FBXL7: variants seen among roughly 807,000 people sequenced by gnomAD.
The protein encoded by FBXL7 is F-box and leucine rich repeat protein 7.
Under a neutral mutation model 38.3 loss-of-function variants are expected in FBXL7, and 12 were observed. That is an observed-to-expected ratio of 0.31 (90% confidence interval 0.20 to 0.51). FBXL7 has a LOEUF of 0.51. Ranked by LOEUF, FBXL7 falls within the 20% of genes least tolerant of loss-of-function variation. The pLI is 0.98. For missense variants in FBXL7, 567 were observed against 676.4 expected (o/e 0.84, Z 1.79); for synonymous variants, 297 against 300.9 (o/e 0.99, Z 0.13).
At chr5:15,623,537 G>A (rs12187518) in intron 2 of FBXL7, among the ~76,000 whole-genome samples, 40,991 of 152,062 alleles carry the variant, frequency 0.27, 5,642 homozygotes, top group Middle Eastern at 0.31. Context: ...AATTAGATCA[G>A]TTCTAAATAG....
intron 2 of FBXL7, among the ~76,000 whole-genome samples, chr5:15,756,410 C>T (rs1736297641): frequency 6.6e-6 from 1 of 152,142 alleles, no homozygotes; most frequent in Non-Finnish European, 1.5e-5. Flanking sequence ...TTACCTCATC[C>T]TTATAAGCAT....
intron 2 of FBXL7, among the ~76,000 whole-genome samples, chr5:15,854,834 C>A (rs1020502371): frequency 6.6e-6 from 1 of 152,018 alleles, no homozygotes; most frequent in East Asian, 1.9e-4. Context: ...TGGTTATTCC[C>A]TTCTCACAAA....
At chr5:15,858,702 T>A (rs1439620704) in intron 2 of FBXL7, among the ~76,000 whole-genome samples, 1 of 152,190 alleles carries the variant, frequency 6.6e-6, no homozygotes, top group Non-Finnish European at 1.5e-5. Flanking sequence ...TTGTTGATCT[T>A]TCTTTGCTTT....
intron 2 of FBXL7, among the ~76,000 whole-genome samples, chr5:15,846,161 C>T (rs901506469): frequency 6.6e-6 from 1 of 152,164 alleles, no homozygotes; most frequent in Non-Finnish European, 1.5e-5. Context: ...CAGGGTATCA[C>T]AATGAATGAA....
chr5:15,726,004 G>C (rs920550372), intron 2 of FBXL7, among the ~76,000 whole-genome samples: 1 of 152,104 alleles, frequency 6.6e-6, no homozygotes, highest in Admixed American at 6.6e-5. Flanking sequence ...GTGTATTTCT[G>C]TCTTCAATTC....
At chr5:15,619,318 G>C (rs1740550514) in intron 2 of FBXL7, among the ~76,000 whole-genome samples, 1 of 152,140 alleles carries the variant, frequency 6.6e-6, no homozygotes, top group African/African-American at 2.4e-5. Context: ...TCAGGAGATT[G>C]TCTCTCCCTG....
intron 1 of FBXL7, among the ~76,000 whole-genome samples, chr5:15,577,284 G>C (rs1738997522): frequency 6.6e-6 from 1 of 152,144 alleles, no homozygotes; most frequent in Non-Finnish European, 1.5e-5. Flanking sequence ...TCTACACCAT[G>C]GTATCTGGGT....
chr5:15,791,501 A>T (rs1451045118), intron 2 of FBXL7, among the ~76,000 whole-genome samples: 1 of 152,204 alleles, frequency 6.6e-6, no homozygotes, highest in Admixed American at 6.5e-5. Flanking sequence ...TCCAGAAATG[A>T]TGGGCATGTA....
At chr5:15,848,222 T>G (rs571115356) in intron 2 of FBXL7, among the ~76,000 whole-genome samples, 1 of 152,318 alleles carries the variant, frequency 6.6e-6, no homozygotes, top group South Asian at 2.1e-4. Context: ...TATAATAATC[T>G]GTTCTTTCTG....
intron 2 of FBXL7, among the ~76,000 whole-genome samples, chr5:15,703,710 A>G (rs191852179): frequency 1.3e-5 from 2 of 152,336 alleles, no homozygotes; most frequent in African/African-American, 4.8e-5. Flanking sequence ...AGATGATAAT[A>G]AGTAAGTGCT....
chr5:15,500,646 C>G lies in FBXL7; in HGVS notation c.-31C>G. 1 of 1,613,454 alleles carries G rather than the reference C, an allele frequency of 6.2e-7. No individual in the cohort carries two copies. The highest frequency in any genetic ancestry group is 8.5e-7 in the Non-Finnish European group (1 of 1,179,588). The stretch of plus-strand genomic sequence containing the variant: ...GACGTGCGCCGCAGCTATGGAGTGT[C>G]CCGGGAGACGGCGGGCATGACGGCT... On this transcript the variant is annotated 5_prime_UTR_variant, in exon 1 of 4. Coordinates refer to ENST00000504595, the MANE Select transcript of FBXL7 (RefSeq NM_012304.5).
intron 2 of FBXL7, among the ~76,000 whole-genome samples, chr5:15,840,904 G>C (rs1304746061): frequency 6.8e-6 from 1 of 147,340 alleles, no homozygotes; most frequent in Non-Finnish European, 1.5e-5. Flanking sequence ...TAATATTTTT[G>C]ATATAGATAC....
At chr5:15,638,329 T>C (rs527943360) in intron 2 of FBXL7, among the ~76,000 whole-genome samples, 1 of 152,246 alleles carries the variant, frequency 6.6e-6, no homozygotes, top group Non-Finnish European at 1.5e-5. Context: ...GGCTCAGAAG[T>C]GTGAAAGGGC....
intron 2 of FBXL7, among the ~76,000 whole-genome samples, chr5:15,915,144 C>G (rs1400166394): frequency 6.6e-6 from 1 of 152,164 alleles, no homozygotes; most frequent in African/African-American, 2.4e-5. Flanking sequence ...CATACATACT[C>G]TAAAAAATGG....
At chr5:15,796,635 C>T (rs754628748) in intron 2 of FBXL7, among the ~76,000 whole-genome samples, 1 of 152,112 alleles carries the variant, frequency 6.6e-6, no homozygotes, top group Admixed American at 6.5e-5. Flanking sequence ...GGTTTTATAC[C>T]CTGCCGTGAC....
At chr5:15,765,963 G>T (rs10520823) in intron 2 of FBXL7, among the ~76,000 whole-genome samples, 8,851 of 152,066 alleles carry the variant, frequency 0.058, 266 homozygotes, top group East Asian at 0.099. Context: ...ATAAATCAAG[G>T]TTCGTTCCCA....
At chr5:15,529,121 C>G (rs1248242481) in intron 1 of FBXL7, among the ~76,000 whole-genome samples, 5 of 152,198 alleles carry the variant, frequency 3.3e-5, no homozygotes, top group Admixed American at 3.3e-4. Context: ...CTCTCTACTT[C>G]TGTGAGTTCA....
At chr5:15,545,324 C>A (rs73754132) in intron 1 of FBXL7, among the ~76,000 whole-genome samples, 2,322 of 152,226 alleles carry the variant, frequency 0.015, 52 homozygotes, top group African/African-American at 0.052. Flanking sequence ...TAGAGGTGGT[C>A]TGATATTTTA....
intron 2 of FBXL7, among the ~76,000 whole-genome samples, chr5:15,681,980 A>T (rs2126611009): frequency 6.6e-6 from 1 of 152,342 alleles, no homozygotes; most frequent in East Asian, 1.9e-4. Flanking sequence ...CGTGTCATTC[A>T]CCAGGATAAT....
Sources: allele counts gnomAD v4.1 joint callset (sites outside exome capture counted in the v4.1 genomes callset), GRCh38; gene constraint gnomAD v4.1.1; transcripts MANE v1.5; gene names NCBI Gene and HGNC (gene_info 2026-07-23, HGNC 2026-07-21).